Variants in CADM2 observed in about 807,000 individuals in gnomAD.
CADM2 encodes cell adhesion molecule 2, also known as immunoglobulin superfamily member 4D.
CADM2 carries 12 observed loss-of-function variants against 49.8 expected under a neutral mutation model. That is an observed-to-expected ratio of 0.24 (90% CI 0.15 to 0.39). The LOEUF is 0.39. CADM2 is among the 10% of genes least tolerant of loss of function. The pLI is 1.00. For synonymous variants in CADM2, 214 were observed against 175.4 expected, an observed-to-expected ratio of 1.22 and a Z score of -1.74; for missense variants, 378 against 492.3, an observed-to-expected ratio of 0.77 and a Z score of 2.20.
At chr3:85,612,417 A>G (rs1299004130) in intron 1 of CADM2, among the ~76,000 whole-genome samples, 1 of 151,832 alleles carries the variant, frequency 6.6e-6, no homozygotes, top group Non-Finnish European at 1.5e-5. Flanking sequence ...TTGTGTTTAA[A>G]TAGTTGTATT....
At chr3:85,394,702 A>T (rs926620724) in intron 1 of CADM2, among the ~76,000 whole-genome samples, 1 of 152,122 alleles carries the variant, frequency 6.6e-6, no homozygotes, top group Admixed American at 6.5e-5. Flanking sequence ...TTCATTTATC[A>T]TGATTTAGAT....
chr3:85,346,464 G>A (rs1352812154), intron 1 of CADM2, among the ~76,000 whole-genome samples: 1 of 152,132 alleles, frequency 6.6e-6, no homozygotes, highest in East Asian at 1.9e-4. Flanking sequence ...TAGCACATGT[G>A]ATCAGATGCA....
intron 1 of CADM2, among the ~76,000 whole-genome samples, chr3:85,289,346 G>A (rs1160218801): frequency 2.6e-5 from 4 of 152,180 alleles, no homozygotes; most frequent in African/African-American, 7.2e-5. Context: ...AGACAGGAAT[G>A]TCAATGGGTT....
At chr3:86,013,420 G>T in intron 8 of CADM2, 1 of 1,558,924 alleles carries the variant, frequency 6.4e-7, no homozygotes, top group Non-Finnish European at 8.8e-7. Context: ...ATCCCAGAAG[G>T]TCTCTTTACC....
intron 1 of CADM2, among the ~76,000 whole-genome samples, chr3:85,257,684 T>C (rs754026122): frequency 6.6e-6 from 1 of 152,222 alleles, no homozygotes; most frequent in Non-Finnish European, 1.5e-5. Flanking sequence ...ATTGTGGCCA[T>C]TGCCTAATTA....
intron 5 of CADM2, among the ~76,000 whole-genome samples, chr3:85,891,836 C>G (rs1050232732): frequency 6.6e-6 from 1 of 152,210 alleles, no homozygotes; most frequent in Non-Finnish European, 1.5e-5. Flanking sequence ...CAGATTGAAA[C>G]TATAGCCCCA....
intron 7 of CADM2, among the ~76,000 whole-genome samples, chr3:85,942,334 T>C (rs899652468): frequency 6.6e-6 from 1 of 151,888 alleles, no homozygotes; most frequent in African/African-American, 2.4e-5. Flanking sequence ...TTTTTTTTGT[T>C]TGTTTGTTTT....
intron 2 of CADM2, among the ~76,000 whole-genome samples, chr3:85,746,151 A>AT (rs2068611922): frequency 6.6e-6 from 1 of 152,234 alleles, no homozygotes; most frequent in Non-Finnish European, 1.5e-5. Context: ...AAGAGCAACT[A>AT]GAACCTCATT....
intron 3 of CADM2, among the ~76,000 whole-genome samples, chr3:85,812,407 A>G (rs913279371): frequency 5.3e-5 from 8 of 152,144 alleles, no homozygotes; most frequent in Non-Finnish European, 1.0e-4. Flanking sequence ...GTAACAATGT[A>G]CTGCACCGGG....
At chr3:85,777,306 A>G (rs572425113) in intron 2 of CADM2, among the ~76,000 whole-genome samples, 174 of 151,196 alleles carry the variant, frequency 1.2e-3, no homozygotes, top group African/African-American at 4.1e-3. Context: ...CCCAGGCTGG[A>G]GTGTCGTGGC....
At chr3:85,960,699 A>G (rs1030793263) in intron 7 of CADM2, among the ~76,000 whole-genome samples, 1 of 151,960 alleles carries the variant, frequency 6.6e-6, no homozygotes, top group African/African-American at 2.4e-5. Context: ...AGGGGAATCT[A>G]TGGTTCATTT....
At chr3:85,897,646 C>CT (rs1715438489) in intron 5 of CADM2, among the ~76,000 whole-genome samples, 1 of 151,666 alleles carries the variant, frequency 6.6e-6, no homozygotes, top group South Asian at 2.1e-4. Context: ...GCTTGTTTTA[C>CT]TTTTTTTTGG....
intron 1 of CADM2, among the ~76,000 whole-genome samples, chr3:85,226,011 T>A (rs976290302): frequency 4.6e-5 from 7 of 152,226 alleles, no homozygotes; most frequent in Non-Finnish European, 8.8e-5. Context: ...GCCAGTATTT[T>A]ACTGAGGATT....
At chr3:85,204,208 T>C (rs1188918647) in intron 1 of CADM2, among the ~76,000 whole-genome samples, 1 of 152,206 alleles carries the variant, frequency 6.6e-6, no homozygotes, top group Non-Finnish European at 1.5e-5. Flanking sequence ...ACATTCACTG[T>C]AAATAGGATG....
intron 3 of CADM2, among the ~76,000 whole-genome samples, chr3:85,846,188 A>G (rs1424031390): frequency 6.6e-6 from 1 of 152,208 alleles, no homozygotes; most frequent in Non-Finnish European, 1.5e-5. Flanking sequence ...GTTTTTACTA[A>G]TAGAGAGATT....
chr3:85,949,877 A>G (rs1050666364), intron 7 of CADM2, among the ~76,000 whole-genome samples: 5 of 151,238 alleles, frequency 3.3e-5, no homozygotes, highest in South Asian at 2.1e-4. Flanking sequence ...TATAAAAAAT[A>G]GGACCTCATC....
At position 85,359,666 on chromosome 3, in the gene CADM2, A is replaced by ATATATATATATATATATTTTTT; in HGVS notation, c.62-366855_62-366854insATATATATATATATATTTTTTT. On this transcript the variant is annotated intron_variant, in intron 1 of 9. Coordinates refer to ENST00000383699, the MANE Select transcript of CADM2 (RefSeq NM_001167675.2). ...TATATATATATATATATATATATATATTTTTTTTTTTGGTGGAGGGGAGAA... is the reference window on the plus strand; with the variant it reads ...TATATATATATATATATATATATATATATATATATATATATATTTTTTTTTTTTTTTTTGGTGGAGGGGAGAA... 5.4e-3 allele frequency among the ~76,000 whole-genome samples: 144 copies of ATATATATATATATATATTTTTT among 26,472 alleles called. 2 individuals carry two copies. Among genetic ancestry groups the ATATATATATATATATATTTTTT allele is most frequent in the Non-Finnish European group, 9.4e-3 (115 of 12,250 alleles). The allele number at this position is 26,472 out of a possible 152,430, so 17.4% of individuals were successfully genotyped here. A position where few individuals can be genotyped will look rare whatever the true frequency, so the allele number is the denominator to read the frequency against.
chr3:85,117,511 A>G (rs1003209643), intron 1 of CADM2, among the ~76,000 whole-genome samples: 1 of 152,160 alleles, frequency 6.6e-6, no homozygotes, highest in Non-Finnish European at 1.5e-5. Flanking sequence ...AGTAGGTGCT[A>G]TAGACTAGAA....
intron 1 of CADM2, among the ~76,000 whole-genome samples, chr3:85,472,943 AT>A (rs374195923): frequency 2.0e-5 from 3 of 152,188 alleles, no homozygotes; most frequent in South Asian, 2.1e-4. Flanking sequence ...CCACTGCTAA[AT>A]TTCCATTTGC....
Sources: gnomAD v4.1 joint callset for allele counts (sites outside exome capture counted in the v4.1 genomes callset) on GRCh38, gnomAD v4.1.1 for gene constraint, MANE v1.5 for transcripts, NCBI Gene and HGNC (gene_info 2026-07-23, HGNC 2026-07-21) for gene names.